Variants in AFAP1 observed in about 807,000 individuals in gnomAD.
The protein encoded by AFAP1 is actin filament associated protein 1, also known as actin filament-associated protein 1.
A neutral mutation model predicts 93.9 loss-of-function variants in AFAP1; 75 were observed. The observed-to-expected ratio is 0.80, with a 90% confidence interval of 0.66 to 0.97. AFAP1 has a LOEUF of 0.97. AFAP1 is among the 50% of genes least tolerant of loss of function. AFAP1 has a pLI of 0.00. For synonymous variants in AFAP1, 517 were observed against 430.7 expected (o/e 1.20, Z -2.48); for missense variants, 1,201 against 1,050.8 (o/e 1.14, Z -1.98).
At chr4:7,795,707 C>T (rs771633256) in intron 10 of AFAP1, among the ~76,000 whole-genome samples, 1 of 151,542 alleles carries the variant, frequency 6.6e-6, no homozygotes, top group African/African-American at 2.4e-5. Context: ...TTACAGCACC[C>T]GGCAAACAAA....
intron 1 of AFAP1, among the ~76,000 whole-genome samples, chr4:7,888,344 G>T (rs1280108866): frequency 6.6e-6 from 1 of 152,160 alleles, no homozygotes; most frequent in East Asian, 1.9e-4. Context: ...ACTTCCACCT[G>T]CTCTGAATGT....
At chr4:7,773,274 C>T (rs1560148248) in intron 15 of AFAP1, 4 of 444,198 alleles carry the variant, frequency 9.0e-6, no homozygotes, top group Admixed American at 4.0e-5. Context: ...GAGCTCCTGG[C>T]TCTGGGCCTC....
chr4:7,853,696 G>C (rs959879896), intron 4 of AFAP1, among the ~76,000 whole-genome samples: 4 of 152,170 alleles, frequency 2.6e-5, no homozygotes, highest in African/African-American at 9.7e-5. Context: ...AACCCACGCA[G>C]GTTTCACAAA....
chr4:7,848,556 G>A (rs898323917), intron 4 of AFAP1, among the ~76,000 whole-genome samples: 7 of 152,100 alleles, frequency 4.6e-5, no homozygotes, highest in Admixed American at 1.3e-4. Context: ...CCCAGCTCAC[G>A]GAAAAGAGAG....
chr4:7,766,469 C>T (rs1387547977), intron 17 of AFAP1, among the ~76,000 whole-genome samples: 1 of 152,204 alleles, frequency 6.6e-6, no homozygotes, highest in South Asian at 2.1e-4. Flanking sequence ...CTAGGTCACA[C>T]TGGCCACAGA....
Position 7,778,820 on chromosome 4 carries a change from A to G in AFAP1, c.1839T>C (p.Thr613=). The change falls in exon 14 of 18, where the codon ACT becomes ACC. Residue 613 remains threonine (T), a synonymous_variant. Coordinates refer to ENST00000420658, the MANE Select transcript of AFAP1 (RefSeq NM_001134647.2). ...ASNGVTGKGK[T]LSSQPKKADP... ...CCGCTTTCTTTGGCTGACTGCTCAG[A>G]GTCTTCCCTTTTCCTGTGACCCCAT... 6.2e-7 allele frequency: 1 copy of G among 1,614,212 alleles called. No individual in the cohort carries two copies. The highest frequency in any genetic ancestry group is 8.5e-7 in the Non-Finnish European group (1 of 1,180,038).
At chr4:7,764,700 C>CTG (rs776810912) in intron 17 of AFAP1, among the ~76,000 whole-genome samples, 4 of 152,222 alleles carry the variant, frequency 2.6e-5, no homozygotes, top group African/African-American at 9.6e-5. Context: ...AGTGCCAGCA[C>CTG]TGTGAAAGCA....
chr4:7,795,852 T>C (rs1373860191), intron 10 of AFAP1, among the ~76,000 whole-genome samples: 1 of 152,204 alleles, frequency 6.6e-6, no homozygotes, highest in African/African-American at 2.4e-5. Flanking sequence ...AGTTTACCAA[T>C]TGTTTTCTTC....
chr4:7,859,744 A>G (rs1396086904), intron 3 of AFAP1, among the ~76,000 whole-genome samples: 2 of 152,204 alleles, frequency 1.3e-5, no homozygotes, highest in Admixed American at 6.5e-5. Context: ...CCACAGTAAT[A>G]TAACCTAGGC....
At chr4:7,831,567 T>C (rs974515235) in intron 6 of AFAP1, among the ~76,000 whole-genome samples, 2 of 152,176 alleles carry the variant, frequency 1.3e-5, no homozygotes, top group Admixed American at 1.3e-4. Context: ...TTTTTACTGG[T>C]CTGTTTGTCA....
chr4:7,851,303 A>T (rs771174291), intron 4 of AFAP1, among the ~76,000 whole-genome samples: 16 of 152,284 alleles, frequency 1.1e-4, no homozygotes, highest in African/African-American at 3.8e-4. Context: ...CTCAAGTCAA[A>T]GCGGGTGTGT....
chr4:7,901,355 C>T (rs1048183636), intron 1 of AFAP1, among the ~76,000 whole-genome samples: 2 of 152,204 alleles, frequency 1.3e-5, no homozygotes, highest in Non-Finnish European at 2.9e-5. Context: ...CCATACTTTC[C>T]ACCGAAGATT....
At chr4:7,929,917 G>C (rs1432930337) in intron 1 of AFAP1, among the ~76,000 whole-genome samples, 2 of 152,188 alleles carry the variant, frequency 1.3e-5, no homozygotes, top group African/African-American at 4.8e-5. Flanking sequence ...CGGTCAACTT[G>C]GTGTCAGGAC....
At chr4:7,846,068 A>T (rs547482292) in intron 4 of AFAP1, among the ~76,000 whole-genome samples, 2 of 152,300 alleles carry the variant, frequency 1.3e-5, no homozygotes, top group African/African-American at 4.8e-5. Context: ...CGATGAGCGA[A>T]AGCACTGACA....
chr4:7,793,301 C>G (rs1718064035), intron 11 of AFAP1, among the ~76,000 whole-genome samples: 1 of 152,186 alleles, frequency 6.6e-6, no homozygotes, highest in African/African-American at 2.4e-5. Context: ...GGTCAGCAAA[C>G]TATTGGCCAA....
chr4:7,917,341 T>C (rs1365892552), intron 1 of AFAP1, among the ~76,000 whole-genome samples: 3 of 152,198 alleles, frequency 2.0e-5, no homozygotes, highest in African/African-American at 7.2e-5. Context: ...CTATTTTGTT[T>C]TTTACAAAGT....
At chr4:7,805,995 G>A (rs879632076) in intron 9 of AFAP1, among the ~76,000 whole-genome samples, 1 of 152,196 alleles carries the variant, frequency 6.6e-6, no homozygotes. Context: ...GCGGAAATAG[G>A]GATGGGGAAG....
chr4:7,850,064 CG>C (rs924222494), intron 4 of AFAP1, among the ~76,000 whole-genome samples: 2 of 151,942 alleles, frequency 1.3e-5, no homozygotes, highest in African/African-American at 4.8e-5. Flanking sequence ...TGGGATGCCA[CG>C]AGAAGGTTGT....
chr4:7,837,767 C>G (rs1001919672), intron 6 of AFAP1, among the ~76,000 whole-genome samples: 7 of 152,104 alleles, frequency 4.6e-5, no homozygotes, highest in African/African-American at 1.7e-4. Context: ...ACTTGTAATC[C>G]CAGCACTTTG....
Sources: gnomAD v4.1 joint callset for allele counts (sites outside exome capture counted in the v4.1 genomes callset) on GRCh38, gnomAD v4.1.1 for gene constraint, MANE v1.5 for transcripts, NCBI Gene and HGNC (gene_info 2026-07-23, HGNC 2026-07-21) for gene names.